Variants in OCA2 observed in about 807,000 individuals in gnomAD.
OCA2 encodes the protein OCA2 melanosomal transmembrane protein.
In OCA2, 77 loss-of-function variants were observed where a neutral mutation model predicts 100.2. The ratio of observed to expected loss-of-function variants is 0.77; its 90% CI spans 0.64 to 0.93. The LOEUF (loss-of-function observed/expected upper bound fraction) is 0.93. OCA2 is among the 40% of genes least tolerant of loss of function. OCA2 has a pLI of 0.00. For synonymous variants in OCA2, 432 were observed against 439.2 expected, an observed-to-expected ratio of 0.98 and a Z score of 0.21; for missense variants, 1,062 against 1,089.1, an observed-to-expected ratio of 0.98 and a Z score of 0.35.
chr15:28,052,911 T>C (rs895829), intron 2 of OCA2, among the ~76,000 whole-genome samples: 67,826 of 152,108 alleles, frequency 0.45, 21,483 homozygotes, highest in East Asian at 0.89. Context: ...CGTAAGACTC[T>C]GTGAGCAAGT....
chr15:27,911,367 A>G (rs2038388713), intron 19 of OCA2, among the ~76,000 whole-genome samples: 1 of 152,174 alleles, frequency 6.6e-6, no homozygotes, highest in African/African-American at 2.4e-5. Flanking sequence ...GGCTGCAGTG[A>G]TTGTGCCACT....
intron 19 of OCA2, among the ~76,000 whole-genome samples, chr15:27,897,669 T>C (rs1326501127): frequency 6.6e-6 from 1 of 151,938 alleles, no homozygotes; most frequent in Non-Finnish European, 1.5e-5. Context: ...AGCAGAAAAA[T>C]GTGGGGTCAG....
At chr15:27,783,972 A>T (rs1224665928) in intron 23 of OCA2, among the ~76,000 whole-genome samples, 1 of 152,194 alleles carries the variant, frequency 6.6e-6, no homozygotes, top group Admixed American at 6.5e-5. Flanking sequence ...GCAGGGGAGG[A>T]GAGGCAAGAA....
At chr15:27,723,300 TAGG>T in the OCA2 span, among the ~76,000 whole-genome samples, 528 of 152,028 alleles carry the variant, frequency 3.5e-3, 3 homozygotes, top group African/African-American at 0.012. Context: ...TGGAGCATAG[TAGG>T]AGTGCAATTA....
At chr15:28,003,170 A>G (rs1041264366) in intron 9 of OCA2, among the ~76,000 whole-genome samples, 5 of 152,228 alleles carry the variant, frequency 3.3e-5, no homozygotes, top group African/African-American at 1.2e-4. Flanking sequence ...TCAGTTCCTA[A>G]GGTACAAATT....
the OCA2 span, among the ~76,000 whole-genome samples, chr15:27,742,531 C>T: frequency 1.8e-4 from 27 of 152,278 alleles, no homozygotes; most frequent in Middle Eastern, 3.4e-3. Flanking sequence ...GATGGCAGAG[C>T]TGTGGCCGGT....
rs548650957 is a variant in OCA2, at chr15:28,049,042, G to A, written c.228-16879C>T. Among the ~76,000 whole-genome samples the A allele has an allele frequency of 9.9e-5, 15 of 152,198 alleles. No individual in the cohort carries two copies. The South Asian group carries it at 2.5e-3, about 25-fold the overall frequency. ...AAAGACATTCTCAAGAAAGTGAAAC[G>A]ACAACCTATGGAATTAAAGAAATTG... On this transcript the variant is annotated intron_variant, in intron 2 of 23. Coordinates refer to ENST00000354638, the MANE Select transcript of OCA2 (RefSeq NM_000275.3).
chr15:27,807,920 G>GC (rs1566979514), intron 23 of OCA2, among the ~76,000 whole-genome samples: 2 of 152,188 alleles, frequency 1.3e-5, no homozygotes, highest in African/African-American at 4.8e-5. Flanking sequence ...CGAGGGCAGG[G>GC]CTAGAGGAGT....
At chr15:28,094,784 C>G (rs917657286) in intron 1 of OCA2, among the ~76,000 whole-genome samples, 13 of 152,210 alleles carry the variant, frequency 8.5e-5, no homozygotes, top group African/African-American at 2.7e-4. Flanking sequence ...CCTCAACGCC[C>G]CGCCGTGCCG....
At chr15:27,727,927 C>T in the OCA2 span, among the ~76,000 whole-genome samples, 1 of 152,210 alleles carries the variant, frequency 6.6e-6, no homozygotes, top group African/African-American at 2.4e-5. Flanking sequence ...ACAACGTATT[C>T]ACAGGCCCTG....
intron 19 of OCA2, among the ~76,000 whole-genome samples, chr15:27,912,107 T>C (rs2038419689): frequency 6.6e-6 from 1 of 152,200 alleles, no homozygotes; most frequent in African/African-American, 2.4e-5. Context: ...TGGATTGGAA[T>C]TCAGGGAATC....
At chr15:27,986,558 AG>A (rs1298957772) in intron 12 of OCA2, 28 bp downstream of exon 12, 11 of 1,344,492 alleles carry the variant, frequency 8.2e-6, no homozygotes, top group Non-Finnish European at 1.2e-5. Flanking sequence ...TAATCAGGAT[AG>A]AATTATTAAA....
chr15:27,777,917 G>A (rs568851672), intron 23 of OCA2, among the ~76,000 whole-genome samples: 148 of 152,314 alleles, frequency 9.7e-4, no homozygotes, highest in African/African-American at 3.4e-3. Flanking sequence ...AGAGGTACTC[G>A]TGACTCTTTC....
At chr15:27,987,161 T>C (rs1456003793) in intron 11 of OCA2, among the ~76,000 whole-genome samples, 1 of 152,198 alleles carries the variant, frequency 6.6e-6, no homozygotes, top group Admixed American at 6.5e-5. Context: ...ATTGAAATGA[T>C]TGCTCCCTGG....
At chr15:28,087,650 G>A (rs1388228612) in intron 1 of OCA2, among the ~76,000 whole-genome samples, 1 of 152,210 alleles carries the variant, frequency 6.6e-6, no homozygotes, top group East Asian at 1.9e-4. Flanking sequence ...AGGAGGCTGA[G>A]GTAGGAGAAT....
chr15:27,838,104 A>ACAAGC (rs2035222708), intron 23 of OCA2, among the ~76,000 whole-genome samples: 1 of 152,150 alleles, frequency 6.6e-6, no homozygotes, highest in African/African-American at 2.4e-5. Context: ...GATTTCCCCA[A>ACAAGC]CAAGCCACAT....
intron 23 of OCA2, among the ~76,000 whole-genome samples, chr15:27,799,392 G>A (rs2033490829): frequency 6.6e-6 from 1 of 152,184 alleles, no homozygotes; most frequent in African/African-American, 2.4e-5. Flanking sequence ...GAGAAAAATA[G>A]GGAGGAAAGG....
chr15:27,804,486 G>A (rs1023260861), intron 23 of OCA2, among the ~76,000 whole-genome samples: 5 of 152,178 alleles, frequency 3.3e-5, no homozygotes, highest in Non-Finnish European at 7.3e-5. Flanking sequence ...TCGCGTGGAT[G>A]GAAATAGAAT....
At chr15:28,080,476 A>C (rs2044584477) in intron 2 of OCA2, among the ~76,000 whole-genome samples, 2 of 152,256 alleles carry the variant, frequency 1.3e-5, no homozygotes, top group African/African-American at 4.8e-5. Context: ...GCACAAAGAA[A>C]CCTCAAAACA....
Sources: gnomAD v4.1 joint callset for allele counts (sites outside exome capture counted in the v4.1 genomes callset) on GRCh38, gnomAD v4.1.1 for gene constraint, MANE v1.5 for transcripts, NCBI Gene and HGNC (gene_info 2026-07-23, HGNC 2026-07-21) for gene names.